The following CCSER1 variants were observed in gnomAD, a reference collection of about 807,000 sequenced individuals.
The protein encoded by CCSER1 is serine-rich coiled-coil domain-containing protein 1.
CCSER1 carries 41 observed loss-of-function variants against 82.0 expected under a neutral mutation model. The ratio of observed to expected loss-of-function variants is 0.50; its 90% confidence interval spans 0.39 to 0.65. The LOEUF is 0.65. Among genes scored for constraint, CCSER1 ranks in the 30% least tolerant of loss-of-function variants. CCSER1 has a pLI of 0.00. For synonymous variants in CCSER1, 414 were observed against 383.9 expected (o/e 1.08, Z -0.92); for missense variants, 1,119 against 1,064.2 (o/e 1.05, Z -0.72).
At chr4:90,638,513 T>TA (rs893933596) in intron 6 of CCSER1, among the ~76,000 whole-genome samples, 5 of 152,110 alleles carry the variant, frequency 3.3e-5, no homozygotes, top group Admixed American at 3.3e-4. Flanking sequence ...TAACATAGGT[T>TA]AAAAAAATTT....
At chr4:91,535,848 G>C (rs1203728768) in intron 10 of CCSER1, among the ~76,000 whole-genome samples, 2 of 151,976 alleles carry the variant, frequency 1.3e-5, no homozygotes, top group Non-Finnish European at 1.5e-5. Flanking sequence ...CAAAACATGG[G>C]ATGAAGCAAT....
chr4:91,561,081 T>C (rs1016815758), intron 10 of CCSER1, among the ~76,000 whole-genome samples: 1 of 151,072 alleles, frequency 6.6e-6, no homozygotes, highest in African/African-American at 2.4e-5. Context: ...TCTCCTAACC[T>C]ATAACAATAG....
At chr4:90,133,669 A>G (rs1281019556) in intron 1 of CCSER1, among the ~76,000 whole-genome samples, 2 of 151,956 alleles carry the variant, frequency 1.3e-5, no homozygotes, top group African/African-American at 4.8e-5. Context: ...TTGCTTCTCT[A>G]TTTCAATCAT....
intron 7 of CCSER1, among the ~76,000 whole-genome samples, chr4:90,758,452 A>T (rs2149510518): frequency 6.6e-6 from 1 of 152,298 alleles, no homozygotes; most frequent in Non-Finnish European, 1.5e-5. Flanking sequence ...ATATATAAAT[A>T]TCCAAATACA....
intron 10 of CCSER1, among the ~76,000 whole-genome samples, chr4:91,538,528 A>C (rs1022730051): frequency 6.6e-6 from 1 of 151,526 alleles, no homozygotes; most frequent in African/African-American, 2.4e-5. Context: ...AAAATGAGGA[A>C]GCCATCAAAA....
intron 6 of CCSER1, among the ~76,000 whole-genome samples, chr4:90,684,427 C>A (rs1734441074): frequency 6.6e-6 from 1 of 151,984 alleles, no homozygotes; most frequent in Admixed American, 6.6e-5. Flanking sequence ...TATTTTTGTC[C>A]TTACTGTTTA....
chr4:90,477,691 T>G (rs1560578923), intron 5 of CCSER1, among the ~76,000 whole-genome samples: 1 of 152,110 alleles, frequency 6.6e-6, no homozygotes, highest in African/African-American at 2.4e-5. Context: ...TCCTGGTTTT[T>G]TTTTTATCTT....
intron 10 of CCSER1, among the ~76,000 whole-genome samples, chr4:91,136,456 T>G (rs1351904983): frequency 6.6e-6 from 1 of 152,174 alleles, no homozygotes; most frequent in African/African-American, 2.4e-5. Context: ...GTAAATTCTT[T>G]TACCCAGAAT....
At chr4:91,258,067 T>C (rs2149160809) in intron 10 of CCSER1, among the ~76,000 whole-genome samples, 1 of 152,202 alleles carries the variant, frequency 6.6e-6, no homozygotes, top group African/African-American at 2.4e-5. Flanking sequence ...TCATACCCAA[T>C]ATTTTAAATA....
intron 9 of CCSER1, among the ~76,000 whole-genome samples, chr4:90,977,459 TTGG>T (rs1175402169): frequency 6.6e-6 from 1 of 151,608 alleles, no homozygotes; most frequent in Non-Finnish European, 1.5e-5. Context: ...TGTGCTTGAA[TTGG>T]TGGGGTTGTA....
chr4:90,607,637 C>T (rs1048101901), intron 5 of CCSER1, among the ~76,000 whole-genome samples: 1 of 152,050 alleles, frequency 6.6e-6, no homozygotes, highest in Non-Finnish European at 1.5e-5. Context: ...CAGTTATGTT[C>T]GAATAGGGGC....
intron 10 of CCSER1, among the ~76,000 whole-genome samples, chr4:91,431,443 T>C (rs1197141046): frequency 6.6e-6 from 1 of 152,214 alleles, no homozygotes; most frequent in African/African-American, 2.4e-5. Flanking sequence ...TTTTCACACA[T>C]ATACATACAC....
intron 3 of CCSER1, among the ~76,000 whole-genome samples, chr4:90,317,843 A>C (rs1736451894): frequency 6.6e-6 from 1 of 152,088 alleles, no homozygotes; most frequent in Non-Finnish European, 1.5e-5. Context: ...AGGTCCCTGT[A>C]ATAAAATACT....
At chr4:90,530,733 A>G (rs1240980155) in intron 5 of CCSER1, among the ~76,000 whole-genome samples, 1 of 152,148 alleles carries the variant, frequency 6.6e-6, no homozygotes, top group African/African-American at 2.4e-5. Flanking sequence ...ATACAGTGCT[A>G]TGTTGAGTCC....
intron 9 of CCSER1, among the ~76,000 whole-genome samples, chr4:90,940,599 A>G (rs757436733): frequency 6.6e-6 from 1 of 152,222 alleles, no homozygotes; most frequent in South Asian, 2.1e-4. Context: ...TTTGTGCTAT[A>G]TTCCAACGTG....
At chr4:90,871,125 A>G (rs1297045356) in intron 8 of CCSER1, among the ~76,000 whole-genome samples, 1 of 143,050 alleles carries the variant, frequency 7.0e-6, no homozygotes, top group Non-Finnish European at 1.6e-5. Flanking sequence ...TCAAAAAATT[A>G]ACTTTTCATT....
Position 90,466,843 on chromosome 4 carries a change from C to T in CCSER1, c.1604-1391C>T, listed in dbSNP as rs116049487. 9.3e-3 allele frequency among the ~76,000 whole-genome samples: 1,420 copies of T among 152,136 alleles called. 26 individuals are homozygous for T. Among genetic ancestry groups the T allele is most frequent in the African/African-American group, 0.032 (1,331 of 41,490 alleles). On this transcript the variant is annotated intron_variant, in intron 4 of 10. Coordinates refer to ENST00000509176, the MANE Select transcript of CCSER1 (RefSeq NM_001145065.2). ...ATAAAACATGACTATATCCTAGAAA[C>T]GATTACAGCTTATTGATATTTTTCC...
chr4:90,153,351 T>A (rs1206034135), intron 1 of CCSER1, among the ~76,000 whole-genome samples: 2 of 152,122 alleles, frequency 1.3e-5, no homozygotes, highest in African/African-American at 2.4e-5. Context: ...AACATACATG[T>A]GCATGTGTCT....
At chr4:90,815,526 A>ATGTGTGTGTGTGTGTGTGTGTGTG (rs113631267) in intron 7 of CCSER1, among the ~76,000 whole-genome samples, 1 of 150,588 alleles carries the variant, frequency 6.6e-6, no homozygotes, top group Non-Finnish European at 1.5e-5. Flanking sequence ...GTGTGTGTGG[A>ATGTGTGTGTGTGTGTGTGTGTGTG]TGTGTGTGTG....
Sources: gnomAD v4.1 joint callset for allele counts (sites outside exome capture counted in the v4.1 genomes callset) on GRCh38, gnomAD v4.1.1 for gene constraint, MANE v1.5 for transcripts, NCBI Gene and HGNC (gene_info 2026-07-23, HGNC 2026-07-21) for gene names.